Variants in LHFPL3 observed in about 807,000 individuals in gnomAD.
The protein encoded by LHFPL3 is LHFPL tetraspan subfamily member 3 protein.
LHFPL3 carries 5 observed loss-of-function variants against 19.3 expected under a neutral mutation model. The ratio of observed to expected loss-of-function variants is 0.26; its 90% CI spans 0.14 to 0.54. The LOEUF (loss-of-function observed/expected upper bound fraction) is 0.54. Among genes scored for constraint, LHFPL3 ranks in the 20% least tolerant of loss-of-function variants. LHFPL3 has a pLI of 0.94. For missense variants in LHFPL3, 249 were observed against 307.4 expected, an observed-to-expected ratio of 0.81 and a Z score of 1.42; for synonymous variants, 133 against 126.2, an observed-to-expected ratio of 1.05 and a Z score of -0.36.
At chr7:104,801,128 G>C (rs779684801) in intron 2 of LHFPL3, among the ~76,000 whole-genome samples, 22 of 152,240 alleles carry the variant, frequency 1.4e-4, no homozygotes, top group Admixed American at 5.2e-4. Context: ...CCATAGTCTA[G>C]AAGAGACTTA....
chr7:104,616,290 A>G (rs1362352195), intron 1 of LHFPL3, among the ~76,000 whole-genome samples: 3 of 152,218 alleles, frequency 2.0e-5, no homozygotes, highest in African/African-American at 7.2e-5. Flanking sequence ...CAAAACAGTC[A>G]CATAGACCAA....
intron 1 of LHFPL3, among the ~76,000 whole-genome samples, chr7:104,550,588 A>G (rs866155712): frequency 4.6e-5 from 7 of 152,170 alleles, no homozygotes; most frequent in African/African-American, 1.2e-4. Flanking sequence ...TTGCACCACA[A>G]AGGGGTTTTG....
intron 1 of LHFPL3, among the ~76,000 whole-genome samples, chr7:104,429,508 G>A (rs193056464): frequency 2.0e-5 from 3 of 150,896 alleles, no homozygotes; most frequent in Non-Finnish European, 4.4e-5. Flanking sequence ...TAGAGATGGG[G>A]TTTTACCATG....
At chr7:104,772,019 C>T (rs538312172) in intron 2 of LHFPL3, among the ~76,000 whole-genome samples, 1 of 151,946 alleles carries the variant, frequency 6.6e-6, no homozygotes, top group East Asian at 1.9e-4. Flanking sequence ...GAGGTTTCAC[C>T]ATGTTGGCCA....
intron 1 of LHFPL3, among the ~76,000 whole-genome samples, chr7:104,489,839 G>T (rs534943484): frequency 6.6e-6 from 1 of 152,130 alleles, no homozygotes; most frequent in Non-Finnish European, 1.5e-5. Context: ...TTTTGTGGAG[G>T]ATCAGTTCAG....
At chr7:104,563,222 T>C (rs1403836826) in intron 1 of LHFPL3, among the ~76,000 whole-genome samples, 1 of 152,288 alleles carries the variant, frequency 6.6e-6, no homozygotes, top group East Asian at 1.9e-4. Flanking sequence ...AGTTCGAGCT[T>C]CCCGGCTGCT....
At chr7:104,674,424 A>G (rs941947518) in intron 1 of LHFPL3, among the ~76,000 whole-genome samples, 1 of 139,332 alleles carries the variant, frequency 7.2e-6, no homozygotes, top group African/African-American at 2.7e-5. Context: ...GCTGGAGTGC[A>G]GTGGCGCAAT....
At chr7:104,467,416 A>G (rs997825926) in intron 1 of LHFPL3, among the ~76,000 whole-genome samples, 7 of 152,172 alleles carry the variant, frequency 4.6e-5, no homozygotes, top group Non-Finnish European at 7.4e-5. Flanking sequence ...AATAGTTCCC[A>G]CCCATCTATT....
In LHFPL3 at chr7:104,439,745, T is replaced by A. The variant is rs142781114; in HGVS notation, c.445+110521T>A. Reference sequence around the variant, plus strand: ...AACTTACAGCAAAAATAATATTTAATGGTAAAAAACTGAACGCTTTTCTCC... The same window carrying A: ...AACTTACAGCAAAAATAATATTTAAAGGTAAAAAACTGAACGCTTTTCTCC... On this transcript the variant is annotated intron_variant, in intron 1 of 2. Coordinates refer to ENST00000424859, the MANE Select transcript of LHFPL3 (RefSeq NM_199000.3). 2.0e-4 allele frequency among the ~76,000 whole-genome samples: 31 copies of A among 152,246 alleles called. No individual in the cohort carries two copies. The East Asian group carries it at 5.8e-3, about 28-fold the overall frequency.
Position 104,347,902 on chromosome 7 carries a change from AC to A in LHFPL3, c.445+18679del, listed in dbSNP as rs1469573213. Among the ~76,000 whole-genome samples, 231 of 150,724 alleles carry A rather than the reference AC, an allele frequency of 1.5e-3. 1 individual carries two copies. Among genetic ancestry groups the A allele is most frequent in the African/African-American group, 5.2e-3 (211 of 40,846 alleles). On this transcript the variant is annotated intron_variant, in intron 1 of 2. Coordinates refer to ENST00000424859, the MANE Select transcript of LHFPL3 (RefSeq NM_199000.3). The stretch of plus-strand genomic sequence containing the variant: ...CCAGACTCTGTCTTAAAAAAAAAAA[AC>A]AAAATAAAAAACTTTGCCTTGTTTT...
At chr7:104,334,965 G>T (rs544368798) in intron 1 of LHFPL3, among the ~76,000 whole-genome samples, 4 of 152,240 alleles carry the variant, frequency 2.6e-5, no homozygotes, top group Non-Finnish European at 4.4e-5. Context: ...GACAGGAAAA[G>T]ACTTTTCCTG....
At chr7:104,459,394 T>C (rs1199984979) in intron 1 of LHFPL3, among the ~76,000 whole-genome samples, 1 of 152,230 alleles carries the variant, frequency 6.6e-6, no homozygotes, top group Non-Finnish European at 1.5e-5. Context: ...CCTTGGGCAT[T>C]GGACTTGATT....
At chr7:104,431,911 A>AGTC (rs1792010514) in intron 1 of LHFPL3, among the ~76,000 whole-genome samples, 1 of 152,052 alleles carries the variant, frequency 6.6e-6, no homozygotes, top group Non-Finnish European at 1.5e-5. Context: ...TGGAGGTTTG[A>AGTC]CTGGGAGAGG....
chr7:104,565,594 C>T (rs1228372065), intron 1 of LHFPL3, among the ~76,000 whole-genome samples: 2 of 152,148 alleles, frequency 1.3e-5, no homozygotes, highest in Non-Finnish European at 2.9e-5. Context: ...ATTTAAAATA[C>T]AGATTACTTA....
At chr7:104,494,368 T>A (rs565097059) in intron 1 of LHFPL3, among the ~76,000 whole-genome samples, 1 of 152,364 alleles carries the variant, frequency 6.6e-6, no homozygotes, top group South Asian at 2.1e-4. Flanking sequence ...CTCTATTCTC[T>A]TATTTATTCT....
At chr7:104,729,160 A>G (rs751713898) in intron 1 of LHFPL3, among the ~76,000 whole-genome samples, 10 of 152,226 alleles carry the variant, frequency 6.6e-5, no homozygotes, top group African/African-American at 1.2e-4. Context: ...ACTAAAAATG[A>G]AATCAAATGG....
Position 104,843,069 on chromosome 7 carries a change from G to C in LHFPL3, c.683-63118G>C, listed in dbSNP as rs73417661. Reference sequence around the variant, plus strand: ...AAGCCAACCTCCCTGCCAGACAAATGAAGCTGCCATTCCTGGCAGCCCTAA... The same window carrying C: ...AAGCCAACCTCCCTGCCAGACAAATCAAGCTGCCATTCCTGGCAGCCCTAA... On this transcript the variant is annotated intron_variant, in intron 2 of 2. Coordinates refer to ENST00000424859, the MANE Select transcript of LHFPL3 (RefSeq NM_199000.3). 6.4e-3 allele frequency among the ~76,000 whole-genome samples: 978 copies of C among 152,242 alleles called. 16 individuals are homozygous for C. Among genetic ancestry groups the C allele is most frequent in the African/African-American group, 0.023 (939 of 41,506 alleles).
chr7:104,513,608 C>T (rs1190116949), intron 1 of LHFPL3, among the ~76,000 whole-genome samples: 1 of 152,128 alleles, frequency 6.6e-6, no homozygotes, highest in African/African-American at 2.4e-5. Context: ...CAAGCGGAGG[C>T]AATAATTAAA....
At chr7:104,475,190 T>C (rs925519569) in intron 1 of LHFPL3, among the ~76,000 whole-genome samples, 4 of 152,246 alleles carry the variant, frequency 2.6e-5, no homozygotes, top group African/African-American at 9.6e-5. Context: ...TATCTAAACA[T>C]TACTTTCTGG....
Sources: gnomAD v4.1 joint callset for allele counts (sites outside exome capture counted in the v4.1 genomes callset) on GRCh38, gnomAD v4.1.1 for gene constraint, MANE v1.5 for transcripts, NCBI Gene and HGNC (gene_info 2026-07-23, HGNC 2026-07-21) for gene names.